BLOC1S3: variants seen among roughly 807,000 people sequenced by gnomAD.
BLOC1S3 encodes the protein biogenesis of lysosomal organelles complex 1 subunit 3, also known as biogenesis of lysosome-related organelles complex 1 subunit 3.
In BLOC1S3, 7 loss-of-function variants were observed where a neutral mutation model predicts 9.1. That is an observed-to-expected ratio of 0.77 (90% CI 0.44 to 1.45). BLOC1S3 has a LOEUF of 1.45. BLOC1S3 is among the 40% of genes most tolerant of loss of function. The pLI is 0.01. For missense variants in BLOC1S3, 307 were observed against 315.2 expected (o/e 0.97, Z 0.20); for synonymous variants, 145 against 158.4 (o/e 0.92, Z 0.64).
rs556499516 is a variant in BLOC1S3, at chr19:45,198,186, C to T, written n.181-4220C>T. ...TTTTCCCCCATCTAAATAGAGCAAC[C>T]GTCCAAGAAAAATACTGTGCTAAAC... On this transcript the variant is annotated intron_variant and non_coding_transcript_variant, in intron 2 of 3. Coordinates refer to the BLOC1S3 transcript ENST00000591569. Among the ~76,000 whole-genome samples the T allele has an allele frequency of 4.6e-5, 7 of 152,252 alleles. No individual in the cohort carries two copies. In the South Asian group the frequency reaches 1.0e-3, roughly 23 times the overall value.
At chr19:45,188,972 G>A (rs1230437974) in intron 2 of BLOC1S3, among the ~76,000 whole-genome samples, 3 of 151,826 alleles carry the variant, frequency 2.0e-5, no homozygotes, top group Admixed American at 2.0e-4. Flanking sequence ...CCTCTGCCCA[G>A]CTAATTTTTG....
chr19:45,196,023 G>C (rs1599753174), intron 2 of BLOC1S3, among the ~76,000 whole-genome samples: 1 of 152,106 alleles, frequency 6.6e-6, no homozygotes, highest in African/African-American at 2.4e-5. Flanking sequence ...GATCATTCAG[G>C]GTGTTCCCTA....
intron 2 of BLOC1S3, among the ~76,000 whole-genome samples, chr19:45,197,163 G>C (rs1037167281): frequency 9.9e-5 from 15 of 151,956 alleles, no homozygotes; most frequent in African/African-American, 3.4e-4. Context: ...ACTCCAGCCT[G>C]GGTGACACAG....
chr19:45,196,336 C>G (rs1338101680), intron 2 of BLOC1S3, among the ~76,000 whole-genome samples: 2 of 152,092 alleles, frequency 1.3e-5, no homozygotes, highest in African/African-American at 4.8e-5. Flanking sequence ...TGAGATCGCA[C>G]CAGTGCAGTC....
At chr19:45,210,815 C>T (rs1289307032) in intron 3 of BLOC1S3, among the ~76,000 whole-genome samples, 1 of 152,152 alleles carries the variant, frequency 6.6e-6, no homozygotes, top group African/African-American at 2.4e-5. Context: ...CAAACTGAGG[C>T]TCTTATATGT....
chr19:45,185,582 T>A (rs1214711151), downstream of BLOC1S3, among the ~76,000 whole-genome samples: 1 of 151,996 alleles, frequency 6.6e-6, no homozygotes, highest in Non-Finnish European at 1.5e-5. Context: ...GAATAGCATG[T>A]GCAAAGAACC....
At chr19:45,216,200 G>A (rs759310567) in intron 3 of BLOC1S3, 69 of 1,613,398 alleles carry the variant, frequency 4.3e-5, no homozygotes, top group South Asian at 1.2e-4. Context: ...GACTCCTGCA[G>A]GGGAGGGAGG....
At chr19:45,216,332 T>C (rs184421739) in intron 3 of BLOC1S3, 16 of 1,257,742 alleles carry the variant, frequency 1.3e-5, no homozygotes, top group Non-Finnish European at 1.5e-5. Context: ...TCCCAGCACT[T>C]TGGGAGGAGG....
chr19:45,204,499 G>C (rs908314333), intron 3 of BLOC1S3, among the ~76,000 whole-genome samples: 3 of 151,862 alleles, frequency 2.0e-5, no homozygotes, highest in Admixed American at 6.6e-5. Context: ...TGCCAAATGA[G>C]CCAATGATTG....
chr19:45,200,754 A>C (rs1439125648), intron 2 of BLOC1S3, among the ~76,000 whole-genome samples: 1 of 151,992 alleles, frequency 6.6e-6, no homozygotes, highest in Non-Finnish European at 1.5e-5. Context: ...TTCAGTGTTT[A>C]TTGTAGTCTT....
chr19:45,202,991 C>T (rs1969702400), intron 3 of BLOC1S3, among the ~76,000 whole-genome samples: 1 of 151,978 alleles, frequency 6.6e-6, no homozygotes, highest in South Asian at 2.1e-4. Flanking sequence ...GCCTGGTGCC[C>T]TATCCTCCTA....
downstream of BLOC1S3, among the ~76,000 whole-genome samples, chr19:45,184,903 C>CAAAAAAAAAAAAAAAAAAAAAAAA (rs71338752): frequency 1.4e-4 from 7 of 48,286 alleles, no homozygotes; most frequent in Non-Finnish European, 2.8e-4. Flanking sequence ...CTGTCTCAAA[C>CAAAAAAAAAAAAAAAAAAAAAAAA]AAAAAAAAAA....
intron 2 of BLOC1S3, among the ~76,000 whole-genome samples, chr19:45,190,374 C>T (rs1046494353): frequency 2.0e-5 from 3 of 151,298 alleles, no homozygotes; most frequent in African/African-American, 7.3e-5. Flanking sequence ...CTCTCTCTCT[C>T]TCCCCCACCC....
intron 2 of BLOC1S3, among the ~76,000 whole-genome samples, chr19:45,196,463 G>A (rs1445800077): frequency 6.6e-6 from 1 of 152,142 alleles, no homozygotes; most frequent in Non-Finnish European, 1.5e-5. Flanking sequence ...CCTCTGGGTG[G>A]TCCTCAGTGT....
chr19:45,202,050 C>T (rs916729894), intron 2 of BLOC1S3, among the ~76,000 whole-genome samples: 6 of 151,544 alleles, frequency 4.0e-5, no homozygotes, highest in Admixed American at 2.6e-4. Flanking sequence ...GGTGAAACCC[C>T]GTCTCTACTA....
At chr19:45,213,708 G>A (rs1357764059) in intron 3 of BLOC1S3, among the ~76,000 whole-genome samples, 2 of 152,004 alleles carry the variant, frequency 1.3e-5, no homozygotes, top group Admixed American at 6.6e-5. Flanking sequence ...ACTTTGGGGG[G>A]CCAAGGCAGG....
intron 3 of BLOC1S3, among the ~76,000 whole-genome samples, chr19:45,202,860 A>G (rs1047179817): frequency 2.6e-5 from 4 of 151,832 alleles, no homozygotes; most frequent in Non-Finnish European, 4.4e-5. Flanking sequence ...TTAGTCAGCA[A>G]GTAATGAATC....
At chr19:45,198,580 C>T (rs1047968541) in intron 2 of BLOC1S3, among the ~76,000 whole-genome samples, 8 of 152,336 alleles carry the variant, frequency 5.3e-5, no homozygotes, top group East Asian at 3.9e-4. Flanking sequence ...AGGCGTGAGC[C>T]GCCGCACCCA....
intron 3 of BLOC1S3, among the ~76,000 whole-genome samples, chr19:45,211,510 GAA>G (rs576231552): frequency 2.2e-4 from 24 of 109,504 alleles, no homozygotes; most frequent in Admixed American, 4.0e-4. Flanking sequence ...GACTCTGACT[GAA>G]AAAAAAAAAA....
Sources: allele counts gnomAD v4.1 joint callset (sites outside exome capture counted in the v4.1 genomes callset), GRCh38; gene constraint gnomAD v4.1.1; transcripts MANE v1.5; gene names NCBI Gene and HGNC (gene_info 2026-07-23, HGNC 2026-07-21).